NDRG4: variants seen among roughly 807,000 people sequenced by gnomAD.
NDRG4 encodes protein NDRG4.
Under a neutral mutation model 55.8 loss-of-function variants are expected in NDRG4, and 38 were observed. The observed-to-expected ratio is 0.68, with a 90% confidence interval of 0.53 to 0.89. The LOEUF is 0.89. NDRG4 is among the 40% of genes least tolerant of loss of function. The pLI is 0.00. For synonymous variants in NDRG4, 190 were observed against 182.7 expected (o/e 1.04, Z -0.32); for missense variants, 455 against 468.6 (o/e 0.97, Z 0.27).
intron 1 of NDRG4, among the ~76,000 whole-genome samples, chr16:58,475,860 A>C (rs903403811): frequency 6.6e-6 from 1 of 151,802 alleles, no homozygotes; most frequent in Non-Finnish European, 1.5e-5. Context: ...GCAGTGGCAC[A>C]ATCTTGGCAC....
intron 13 of NDRG4, 32 bp from the exon 14 acceptor site, chr16:58,510,613 C>A (rs564890461): frequency 6.5e-7 from 1 of 1,533,604 alleles, no homozygotes; most frequent in Non-Finnish European, 8.7e-7. Context: ...CCCCCATCCC[C>A]GCCCCCTCTC....
chr16:58,501,423 T>G (rs1567334123), intron 1 of NDRG4: 3 of 215,522 alleles, frequency 1.4e-5, no homozygotes, highest in Non-Finnish European at 1.8e-5. Context: ...GCTTCCCGCC[T>G]GCGCCTACCT....
chr16:58,489,471 G>C (rs2035516605), intron 2 of NDRG4, among the ~76,000 whole-genome samples: 1 of 151,564 alleles, frequency 6.6e-6, no homozygotes, highest in African/African-American at 2.4e-5. Flanking sequence ...CCAGAAATTT[G>C]CAGGGCTGGC....
intron 14 of NDRG4, chr16:58,511,163 C>T (rs960514246): frequency 5.0e-5 from 26 of 524,212 alleles, no homozygotes; most frequent in African/African-American, 1.9e-4. Context: ...GAGGGAGGCA[C>T]GGCTGGAAAC....
chr16:58,500,421 A>G (rs1296457690), intron 1 of NDRG4, 152 bp downstream of exon 1: 2 of 1,025,912 alleles, frequency 1.9e-6, no homozygotes, highest in African/African-American at 3.3e-5. Context: ...ACACGGCCAG[A>G]GTGCTCCAGG....
rs1295384133 is a variant in NDRG4, at chr16:58,511,448, G to A, written c.931G>A (p.Ala311Thr). 4 of 1,609,708 alleles carry A rather than the reference G, an allele frequency of 2.5e-6. No individual in the cohort carries two copies. The African/African-American group carries it at 5.3e-5, about 22-fold the overall frequency. ...AVPSASMTRL[A>T]RSRTASLTSA... ...GCCCTCAGCCAGCATGACCCGCCTG[G>A]CACGCTCCCGCACTGCATCCCTCAC... The change falls in exon 15 of 15, where the codon GCA (alanine) becomes ACA (threonine). Residue 311 changes from alanine to threonine, a missense_variant. Physicochemically the swap from Ala to Thr is moderately conservative, Grantham distance 58. Coordinates refer to ENST00000570248, the MANE Select transcript of NDRG4 (RefSeq NM_001242835.2).
intron 2 of NDRG4, among the ~76,000 whole-genome samples, chr16:58,489,369 C>T (rs150837499): frequency 6.6e-6 from 1 of 152,090 alleles, no homozygotes; most frequent in Non-Finnish European, 1.5e-5. Context: ...GCAATCTGCA[C>T]CAGCTCCCCC....
At chr16:58,498,969 G>A (rs771039215), upstream of NDRG4, among the ~76,000 whole-genome samples, 15 of 152,182 alleles carry the variant, frequency 9.9e-5, no homozygotes, top group Non-Finnish European at 1.8e-4. Flanking sequence ...CAGTTGCAAC[G>A]ATAATACATA....
At chr16:58,481,882 C>A (rs1305052519) in intron 1 of NDRG4, among the ~76,000 whole-genome samples, 4 of 152,180 alleles carry the variant, frequency 2.6e-5, no homozygotes, top group African/African-American at 2.4e-5. Context: ...GTCCAGTTCC[C>A]TGGACAGTTC....
chr16:58,503,965 C>G (rs754287347), intron 2 of NDRG4, 62 bp downstream of exon 2: 2 of 1,569,900 alleles, frequency 1.3e-6, no homozygotes, highest in East Asian at 2.2e-5. Flanking sequence ...GCGGTGAGGC[C>G]CCCCACCCTC....
exon 1 of NDRG4, chr16:58,463,770 G>C (rs1222389945): frequency 6.6e-6 from 1 of 150,984 alleles, no homozygotes; most frequent in Non-Finnish European, 1.5e-5. Flanking sequence ...CTCCCCGCCT[G>C]CGCGTCTGTC....
intron 7 of NDRG4, 50 bp from the exon 8 acceptor site, chr16:58,506,862 G>T (rs755465566): frequency 6.5e-7 from 1 of 1,535,176 alleles, no homozygotes; most frequent in Non-Finnish European, 9.0e-7. Context: ...CTAAGCCTGC[G>T]TCCCTCTGTC....
At chr16:58,492,512 GTGTGTGTGTGT>G (rs1393299047) in intron 2 of NDRG4, among the ~76,000 whole-genome samples, 6 of 93,402 alleles carry the variant, frequency 6.4e-5, no homozygotes, top group Non-Finnish European at 1.6e-4. Flanking sequence ...GTGTGTGTGT[GTGTGTGTGTGT>G]GTGTGTGTGT....
rs869263659 is a variant in NDRG4 at position 58,505,708 on chromosome 16, A to ATTTTTT, written c.373-675_373-674insTTTTTT. 1.7e-4 allele frequency among the ~76,000 whole-genome samples: 12 copies of ATTTTTT among 70,628 alleles called. 2 individuals are homozygous for ATTTTTT. Among genetic ancestry groups the ATTTTTT allele is most frequent in the Admixed American group, 3.4e-4 (2 of 5,950 alleles). 46.3% of individuals were successfully genotyped at this position (70,628 alleles called of 152,430 possible). On this transcript the variant is annotated intron_variant, in intron 5 of 14. Coordinates refer to ENST00000570248, the MANE Select transcript of NDRG4 (RefSeq NM_001242835.2). Reference sequence around the variant, plus strand: ...TCTTAATTTATATCATGAGGGCTTCATTTTCTTTTTTTTTTTTTTTTTTTT... The same window carrying ATTTTTT: ...TCTTAATTTATATCATGAGGGCTTCATTTTTTTTTTCTTTTTTTTTTTTTTTTTTTT...
At chr16:58,478,698 T>TTTG (rs2034027083) in intron 1 of NDRG4, among the ~76,000 whole-genome samples, 1 of 322 alleles carries the variant, frequency 3.1e-3, no homozygotes, top group South Asian at 0.12. Flanking sequence ...TTGTTTTTTG[T>TTTG]TTTTTTTTTT....
At position 58,504,234 on chromosome 16, in the gene NDRG4, G is replaced by A. The variant is rs753566438; in HGVS notation, c.208G>A (p.Ala70Thr). 1.9e-6 allele frequency: 3 copies of A among 1,614,174 alleles called. No homozygotes were observed. Among genetic ancestry groups the A allele is most frequent in the Non-Finnish European group, 1.7e-6 (2 of 1,180,022 alleles). ...GCACTTTGTGGTGTGTCACGTGGAT[G>A]CCCCTGGACAACAGGTGGGGGCGTC... ...TKHFVVCHVD[A>T]PGQQVGASQF... Residue 70 changes from alanine (A) to threonine (T), a missense_variant, in exon 3 of 15, where the codon GCC becomes ACC. Physicochemically the swap from Ala to Thr is moderately conservative, Grantham distance 58. Coordinates refer to ENST00000570248, the MANE Select transcript of NDRG4 (RefSeq NM_001242835.2).
intron 2 of NDRG4, among the ~76,000 whole-genome samples, chr16:58,488,489 C>T (rs1425639459): frequency 6.6e-6 from 1 of 152,192 alleles, no homozygotes; most frequent in African/African-American, 2.4e-5. Context: ...TGACACAAAC[C>T]ACTTTCAAAA....
At chr16:58,491,263 A>C (rs2035754604) in intron 2 of NDRG4, among the ~76,000 whole-genome samples, 1 of 151,926 alleles carries the variant, frequency 6.6e-6, no homozygotes, top group Admixed American at 6.6e-5. Flanking sequence ...GAGACAGAGT[A>C]AGACTCTGTC....
intron 1 of NDRG4, among the ~76,000 whole-genome samples, chr16:58,471,200 T>TC: frequency 7.2e-6 from 1 of 138,580 alleles, no homozygotes; most frequent in Non-Finnish European, 1.6e-5. Context: ...TTTTTTTTTT[T>TC]TTTTTTTTTT....
Sources: gnomAD v4.1 joint callset for allele counts (sites outside exome capture counted in the v4.1 genomes callset) on GRCh38, gnomAD v4.1.1 for gene constraint, MANE v1.5 for transcripts, NCBI Gene and HGNC (gene_info 2026-07-23, HGNC 2026-07-21) for gene names.